CNTN4: variants seen among roughly 807,000 people sequenced by gnomAD.
CNTN4 encodes the protein contactin-4.
Under a neutral mutation model 122.5 loss-of-function variants are expected in CNTN4, and 77 were observed. The observed-to-expected ratio is 0.63, with a 90% CI of 0.52 to 0.76. The LOEUF is 0.76. Ranked by LOEUF, CNTN4 falls within the 30% of genes least tolerant of loss-of-function variation. The probability of loss-of-function intolerance (pLI) is 0.00; values close to 1 mark genes in which losing one functional copy is unlikely to be tolerated. For synonymous variants in CNTN4, 512 were observed against 447.0 expected (o/e 1.15, Z -1.83); for missense variants, 1,256 against 1,259.1 (o/e 1.00, Z 0.04).
intron 13 of CNTN4, among the ~76,000 whole-genome samples, chr3:2,981,301 G>A (rs538374281): frequency 2.6e-5 from 4 of 151,642 alleles, no homozygotes; most frequent in Admixed American, 6.6e-5. Flanking sequence ...AAAATTAGCC[G>A]GGCGTGGTGG....
chr3:2,754,241 G>C (rs1169723286), intron 6 of CNTN4, among the ~76,000 whole-genome samples: 1 of 152,056 alleles, frequency 6.6e-6, no homozygotes, highest in African/African-American at 2.4e-5. Context: ...ACATTGTTTG[G>C]GGCCTTCATC....
intron 6 of CNTN4, among the ~76,000 whole-genome samples, chr3:2,778,086 C>T (rs57615509): frequency 0.036 from 5,138 of 144,614 alleles, 497 homozygotes; most frequent in African/African-American, 0.13. Flanking sequence ...TGGTGGCGGG[C>T]GCCTGTAGTC....
At chr3:2,546,669 C>A (rs991733130) in intron 3 of CNTN4, among the ~76,000 whole-genome samples, 7 of 151,866 alleles carry the variant, frequency 4.6e-5, no homozygotes, top group East Asian at 1.9e-4. Context: ...TTAAAAAAAA[C>A]AAAATATGAA....
chr3:2,650,512 C>A (rs139359145), intron 4 of CNTN4, among the ~76,000 whole-genome samples: 1 of 152,244 alleles, frequency 6.6e-6, no homozygotes, highest in South Asian at 2.1e-4. Context: ...ATTCCTACTG[C>A]GGATAAAATC....
intron 2 of CNTN4, among the ~76,000 whole-genome samples, chr3:2,198,450 A>G (rs1210328218): frequency 2.6e-5 from 4 of 152,188 alleles, no homozygotes; most frequent in African/African-American, 9.6e-5. Flanking sequence ...TACTAACTTT[A>G]CAGTAATTTT....
At chr3:2,183,456 T>C (rs925001795) in intron 2 of CNTN4, among the ~76,000 whole-genome samples, 1 of 152,172 alleles carries the variant, frequency 6.6e-6, no homozygotes, top group East Asian at 1.9e-4. Flanking sequence ...ATTCCATGGC[T>C]CTTTTTTTGG....
intron 3 of CNTN4, among the ~76,000 whole-genome samples, chr3:2,361,663 C>G (rs534290514): frequency 7.2e-5 from 11 of 152,194 alleles, no homozygotes; most frequent in African/African-American, 2.4e-4. Flanking sequence ...TGTTCTGCTG[C>G]TATAAAAAAA....
chr3:2,531,192 C>T (rs2077582847), intron 3 of CNTN4, among the ~76,000 whole-genome samples: 2 of 152,170 alleles, frequency 1.3e-5, no homozygotes, highest in Non-Finnish European at 2.9e-5. Context: ...GTCTTGAGAT[C>T]TACCTCATCC....
intron 3 of CNTN4, among the ~76,000 whole-genome samples, chr3:2,499,160 C>T (rs565187527): frequency 5.9e-5 from 9 of 152,222 alleles, no homozygotes; most frequent in Non-Finnish European, 8.8e-5. Context: ...TCTCTTGCAT[C>T]CTCTAAAATA....
intron 2 of CNTN4, among the ~76,000 whole-genome samples, chr3:2,276,484 A>AT (rs2041515793): frequency 6.6e-6 from 1 of 152,052 alleles, no homozygotes; most frequent in South Asian, 2.1e-4. Context: ...TCTTTGCTTG[A>AT]TTTATGATCT....
At chr3:2,953,432 GT>G (rs367995011) in intron 13 of CNTN4, among the ~76,000 whole-genome samples, 47 of 146,340 alleles carry the variant, frequency 3.2e-4, no homozygotes, top group East Asian at 8.0e-4. Context: ...TAGGCCCCTG[GT>G]TTTTTTTTTT....
chr3:2,677,229 A>G (rs2084907483), intron 4 of CNTN4, among the ~76,000 whole-genome samples: 2 of 150,392 alleles, frequency 1.3e-5, no homozygotes, highest in Admixed American at 6.7e-5. Flanking sequence ...ATCTATATAG[A>G]GAGATCTATA....
At chr3:2,408,789 C>T (rs533823679) in intron 3 of CNTN4, among the ~76,000 whole-genome samples, 50 of 152,234 alleles carry the variant, frequency 3.3e-4, no homozygotes, top group African/African-American at 1.2e-3. Context: ...ATGTCAGTGT[C>T]ATCATAGATT....
chr3:2,769,166 A>G (rs76814502), intron 6 of CNTN4, among the ~76,000 whole-genome samples: 3,464 of 152,208 alleles, frequency 0.023, 50 homozygotes, highest in South Asian at 0.056. Context: ...TATGCACTAC[A>G]TTATTAAAAT....
At chr3:2,160,168 CAGTCTCACTGTGAT>C (rs1346011548) in intron 2 of CNTN4, among the ~76,000 whole-genome samples, 1 of 152,114 alleles carries the variant, frequency 6.6e-6, no homozygotes, top group African/African-American at 2.4e-5. Flanking sequence ...CATTGAATGT[CAGTCTCACTGTGAT>C]CCTTTTATGA....
At chr3:2,394,276 G>A (rs1021302575) in intron 3 of CNTN4, among the ~76,000 whole-genome samples, 2 of 152,104 alleles carry the variant, frequency 1.3e-5, no homozygotes, top group Non-Finnish European at 2.9e-5. Flanking sequence ...ATGTTAACAG[G>A]AACAGTATCT....
rs2031857597 is a variant in CNTN4 at position 2,100,612 on chromosome 3, G to A, written c.-172G>A. On this transcript the variant is annotated 5_prime_UTR_variant, in exon 2 of 25. Transcript: ENST00000418658. ...ACAGGCACCTGGAGGTGATTTGGGT[G>A]GCATTCATGAGAAAATTCACGTTAC... The A allele has an allele frequency of 6.6e-6, 1 of 152,126 alleles. No individual in the cohort carries two copies. Among genetic ancestry groups the A allele is most frequent in the Admixed American group, 6.5e-5 (1 of 15,274 alleles). The allele number at this position is 152,126 out of a possible 1,614,324, so 9.4% of individuals were successfully genotyped here. A position where few individuals can be genotyped will look rare whatever the true frequency, so the allele number is the denominator to read the frequency against.
chr3:2,399,899 T>C (rs2046777568), intron 3 of CNTN4, among the ~76,000 whole-genome samples: 1 of 152,074 alleles, frequency 6.6e-6, no homozygotes, highest in Non-Finnish European at 1.5e-5. Flanking sequence ...GAAATCTACT[T>C]GTAAAGAGTA....
chr3:2,196,918 C>T (rs982507355), intron 2 of CNTN4, among the ~76,000 whole-genome samples: 6 of 151,824 alleles, frequency 4.0e-5, no homozygotes, highest in African/African-American at 1.5e-4. Context: ...GTGGTGCATG[C>T]CTGTAATCCC....
Sources: allele counts gnomAD v4.1 joint callset (sites outside exome capture counted in the v4.1 genomes callset), GRCh38; gene constraint gnomAD v4.1.1; transcripts MANE v1.5; gene names NCBI Gene and HGNC (gene_info 2026-07-23, HGNC 2026-07-21).